The following CEP70 variants were observed in gnomAD, a reference collection of about 807,000 sequenced individuals.
CEP70 encodes centrosomal protein 70.
Under a neutral mutation model 90.9 loss-of-function variants are expected in CEP70, and 70 were observed. That is an observed-to-expected ratio of 0.77 (90% CI 0.64 to 0.94). The LOEUF (loss-of-function observed/expected upper bound fraction) is 0.94. Among genes scored for constraint, CEP70 ranks in the 40% least tolerant of loss-of-function variants. CEP70 has a pLI of 0.00. For missense variants in CEP70, 648 were observed against 669.0 expected, an observed-to-expected ratio of 0.97 and a Z score of 0.35; for synonymous variants, 220 against 228.3, an observed-to-expected ratio of 0.96 and a Z score of 0.33.
chr3:138,498,916 C>T (rs533760405), intron 16 of CEP70, among the ~76,000 whole-genome samples: 1 of 151,808 alleles, frequency 6.6e-6, no homozygotes, highest in Admixed American at 6.6e-5. Context: ...TGTGGTAGCG[C>T]ATGCCTGTAA....
chr3:138,510,164 T>C (rs1467952725), intron 11 of CEP70, among the ~76,000 whole-genome samples: 1 of 151,468 alleles, frequency 6.6e-6, no homozygotes, highest in Non-Finnish European at 1.5e-5. Context: ...CAGTGTGTGA[T>C]ACATGCTTAG....
chr3:138,517,545 T>C (rs563751327), intron 11 of CEP70, among the ~76,000 whole-genome samples: 66 of 152,252 alleles, frequency 4.3e-4, no homozygotes, highest in African/African-American at 1.5e-3. Context: ...GGCAGGTGAC[T>C]GTAGTCCTAG....
At chr3:138,535,681 C>A (rs1428749664) in intron 7 of CEP70, among the ~76,000 whole-genome samples, 2 of 152,190 alleles carry the variant, frequency 1.3e-5, no homozygotes, top group African/African-American at 4.8e-5. Flanking sequence ...AAATTCATAC[C>A]TGAATTAGCC....
At chr3:138,500,300 T>C (rs1436675615) in intron 15 of CEP70, 76 bp from the exon 16 acceptor site, 13 of 1,497,826 alleles carry the variant, frequency 8.7e-6, no homozygotes, top group African/African-American at 2.8e-5. Flanking sequence ...TATGCTTCAG[T>C]TATCCTCAAT....
At chr3:138,519,389 T>C (rs1464572950) in intron 11 of CEP70, among the ~76,000 whole-genome samples, 4 of 151,988 alleles carry the variant, frequency 2.6e-5, no homozygotes, top group African/African-American at 9.7e-5. Flanking sequence ...GTCAGATTCA[T>C]CAAAGTTGAA....
intron 2 of CEP70, among the ~76,000 whole-genome samples, chr3:138,577,792 A>G (rs1044085878): frequency 2.0e-5 from 3 of 152,242 alleles, no homozygotes; most frequent in Non-Finnish European, 4.4e-5. Flanking sequence ...GAATGGCTCC[A>G]GTTAAAAGAG....
At chr3:138,592,634 T>C (rs529047878) in intron 1 of CEP70, among the ~76,000 whole-genome samples, 4 of 152,120 alleles carry the variant, frequency 2.6e-5, no homozygotes, top group Non-Finnish European at 4.4e-5. Flanking sequence ...AGCAAAAACA[T>C]AATTGCATCT....
At chr3:138,535,038 T>C (rs1027887382) in intron 7 of CEP70, among the ~76,000 whole-genome samples, 3 of 152,170 alleles carry the variant, frequency 2.0e-5, no homozygotes, top group African/African-American at 7.2e-5. Context: ...TCTTTGGGTA[T>C]GTTCCCTGCC....
intron 11 of CEP70, among the ~76,000 whole-genome samples, chr3:138,511,165 C>A (rs904685207): frequency 6.6e-6 from 1 of 152,084 alleles, no homozygotes; most frequent in African/African-American, 2.4e-5. Context: ...GCCACCGTGC[C>A]CCCCCAGTCC....
chr3:138,513,360 A>G (rs1167174781), intron 11 of CEP70, among the ~76,000 whole-genome samples: 1 of 152,230 alleles, frequency 6.6e-6, no homozygotes, highest in Non-Finnish European at 1.5e-5. Context: ...AGACTGAGGC[A>G]TGTGTCAAGT....
intron 6 of CEP70, among the ~76,000 whole-genome samples, chr3:138,552,040 C>T (rs1168257968): frequency 6.6e-6 from 1 of 152,118 alleles, no homozygotes; most frequent in Non-Finnish European, 1.5e-5. Flanking sequence ...CCAAACAAAA[C>T]AAACTTTAAA....
intron 11 of CEP70, among the ~76,000 whole-genome samples, chr3:138,517,884 C>A (rs546473460): frequency 2.0e-5 from 3 of 152,320 alleles, no homozygotes; most frequent in African/African-American, 7.2e-5. Context: ...CAGGGCAAGG[C>A]ATCGCCTCAC....
At chr3:138,556,717 C>G (rs57253071) in intron 6 of CEP70, among the ~76,000 whole-genome samples, 1,618 of 151,928 alleles carry the variant, frequency 0.011, 30 homozygotes, top group African/African-American at 0.038. Context: ...GCCTCCTGAG[C>G]TGTAAAACCA....
At chr3:138,495,623 G>A (rs1335651855) in intron 17 of CEP70, among the ~76,000 whole-genome samples, 8 of 152,128 alleles carry the variant, frequency 5.3e-5, no homozygotes, top group Non-Finnish European at 1.0e-4. Flanking sequence ...AGGCCGAGAC[G>A]GGAAGATCAT....
intron 6 of CEP70, among the ~76,000 whole-genome samples, chr3:138,548,439 T>C (rs1214522676): frequency 2.0e-5 from 3 of 152,154 alleles, no homozygotes; most frequent in Non-Finnish European, 4.4e-5. Context: ...ATATAAACTA[T>C]CATTTCTCCA....
At position 138,523,099 on chromosome 3, in the gene CEP70, T is replaced by C. The variant is rs559665137; in HGVS notation, c.944+2391A>G. The stretch of plus-strand genomic sequence containing the variant: ...ACAAATCAATAAATGTAATCCGGCA[T>C]ATAAACAGAACCAAAGACAAAAACC... On this transcript the variant is annotated intron_variant, in intron 11 of 17. Coordinates refer to ENST00000264982, the MANE Select transcript of CEP70 (RefSeq NM_024491.4). 6.8e-4 allele frequency among the ~76,000 whole-genome samples: 103 copies of C among 152,290 alleles called. 1 individual carries two copies. The highest frequency in any genetic ancestry group is 2.4e-3 in the African/African-American group (98 of 41,556).
At chr3:138,549,388 G>A (rs2107932360) in intron 6 of CEP70, among the ~76,000 whole-genome samples, 1 of 152,030 alleles carries the variant, frequency 6.6e-6, no homozygotes, top group South Asian at 2.1e-4. Context: ...ATGGGAGTGA[G>A]ACCGGCCTTT....
At chr3:138,592,202 A>G (rs1035462743) in intron 1 of CEP70, among the ~76,000 whole-genome samples, 1 of 152,066 alleles carries the variant, frequency 6.6e-6, no homozygotes, top group Non-Finnish European at 1.5e-5. Context: ...ATCCAAATCT[A>G]TCATCATCTA....
rs549477023 is a variant in CEP70, at chr3:138,520,442, T to G, written c.944+5048A>C. On this transcript the variant is annotated intron_variant, in intron 11 of 17. Coordinates refer to ENST00000264982, the MANE Select transcript of CEP70 (RefSeq NM_024491.4). ...GACCACATAGTTGGAAGTAAAGCAC[T>G]CCTCAGCAAATGTAAAAGAATAGAA... 2.6e-5 allele frequency among the ~76,000 whole-genome samples: 4 copies of G among 152,232 alleles called. No homozygotes were observed. In the South Asian group the frequency reaches 6.2e-4, roughly 24 times the overall value.
Sources: allele counts gnomAD v4.1 joint callset (sites outside exome capture counted in the v4.1 genomes callset), GRCh38; gene constraint gnomAD v4.1.1; transcripts MANE v1.5; gene names NCBI Gene and HGNC (gene_info 2026-07-23, HGNC 2026-07-21).